The following DNAH2 variants were observed in gnomAD, a reference collection of about 807,000 sequenced individuals.
The protein encoded by DNAH2 is dynein axonemal heavy chain 2, also known as axonemal beta dynein heavy chain 2.
In DNAH2, 323 loss-of-function variants were observed where a neutral mutation model predicts 523.5. The observed-to-expected ratio is 0.62, with a 90% CI of 0.56 to 0.68. The LOEUF is 0.68. Ranked by LOEUF, DNAH2 falls within the 30% of genes least tolerant of loss-of-function variation. The pLI, the probability that DNAH2 is intolerant of heterozygous loss-of-function variation, is 0.00. For synonymous variants in DNAH2, 2,093 were observed against 2,177.4 expected (o/e 0.96, Z 1.08); for missense variants, 4,907 against 5,701.5 (o/e 0.86, Z 4.49).
intron 56 of DNAH2, 40 bp downstream of exon 56, chr17:7,799,282 G>C: frequency 2.5e-6 from 4 of 1,607,962 alleles, no homozygotes; most frequent in Non-Finnish European, 3.4e-6. Flanking sequence ...CCTTCTGTGT[G>C]CTCCCTCACC....
At position 7,798,780 on chromosome 17, in the gene DNAH2, G is replaced by A; in HGVS notation, c.8559+62G>A. On this transcript the variant is annotated intron_variant, in intron 55 of 85. Transcript: ENST00000572933. The surrounding 1 kb of genome is among the most constrained non-coding windows in gnomAD (Gnocchi z 5.5). ...TTGGCCTGCCTAGCTGACCCCAGAA[G>A]GACCACAGCTCCCAGAATGTGCCAC... 2.6e-6 allele frequency: 4 copies of A among 1,561,754 alleles called. No homozygotes were observed. Among genetic ancestry groups the A allele is most frequent in the Non-Finnish European group, 3.5e-6 (4 of 1,153,152 alleles).
At chr17:7,751,246 C>T (rs529786784) in intron 12 of DNAH2, among the ~76,000 whole-genome samples, 47 of 151,840 alleles carry the variant, frequency 3.1e-4, no homozygotes, top group African/African-American at 9.2e-4. Context: ...TGGGTTCAAG[C>T]GATTTCTGGC....
intron 3 of DNAH2, among the ~76,000 whole-genome samples, chr17:7,726,485 T>G (rs34399703): frequency 0.026 from 3,992 of 151,820 alleles, 74 homozygotes; most frequent in Non-Finnish European, 0.042. Context: ...GTATTTTTAG[T>G]AGAGACAAGG....
intron 28 of DNAH2, among the ~76,000 whole-genome samples, chr17:7,773,607 T>C (rs1412015643): frequency 6.6e-6 from 1 of 152,238 alleles, no homozygotes; most frequent in Non-Finnish European, 1.5e-5. Flanking sequence ...TCTTTCCATC[T>C]TAACTAAGCA....
rs2075312609 is a variant in DNAH2 at position 7,741,242 on chromosome 17, CTTTCTTTCTTTCTTTCTTTCTTTCTT to C, written c.1689+252_1689+277del. On this transcript the variant is annotated intron_variant, in intron 11 of 85. Coordinates refer to ENST00000572933, the MANE Select transcript of DNAH2 (RefSeq NM_020877.5). The stretch of plus-strand genomic sequence containing the variant: ...CTTTCTTTTTTTTCTCTCTCTCTTT[CTTTCTTTCTTTCTTTCTTTCTTTCTT>C]TCTTTCTTTCTTTCTTTCTTTCTTT... Among the ~76,000 whole-genome samples, 5 of 28,258 alleles carry C rather than the reference CTTTCTTTCTTTCTTTCTTTCTTTCTT, an allele frequency of 1.8e-4. 1 individual carries two copies. The highest frequency in any genetic ancestry group is 7.3e-4 in the Admixed American group (2 of 2,746). 18.5% of individuals were successfully genotyped at this position (28,258 alleles called of 152,430 possible).
intron 58 of DNAH2, among the ~76,000 whole-genome samples, chr17:7,803,905 G>A (rs2077291010): frequency 6.6e-6 from 1 of 152,244 alleles, no homozygotes; most frequent in Admixed American, 6.5e-5. Flanking sequence ...GGAGCTGAGG[G>A]ACGGCTGCCT....
At chr17:7,762,008 C>T (rs768073464) in intron 18 of DNAH2, among the ~76,000 whole-genome samples, 9 of 151,956 alleles carry the variant, frequency 5.9e-5, no homozygotes, top group African/African-American at 1.9e-4. Context: ...CGTGGTGTCA[C>T]GAGAAGACTT....
Position 7,831,679 on chromosome 17 carries a change from A to G in DNAH2, c.12630A>G (p.Leu4210=), listed in dbSNP as rs1229838569. ...TGCTCAGGTTCTCACTGACAGACCTAGAGAAAGGCATCCAGGGTCTCATCG... is the reference window on the plus strand; with the variant it reads ...TGCTCAGGTTCTCACTGACAGACCTGGAGAAAGGCATCCAGGGTCTCATCG... ...MQTILFSLTD[L]EKGIQGLIVM... is the part of the protein sequence containing the mutation. Residue 4210 remains leucine (L), a synonymous_variant, in exon 82 of 86, where the codon CTA becomes CTG. Transcript: ENST00000572933. The surrounding 1 kb of genome is among the most constrained non-coding windows in gnomAD (Gnocchi z 4.2). 15 of 1,614,054 alleles carry G rather than the reference A, an allele frequency of 9.3e-6. No individual in the cohort carries two copies. The highest frequency in any genetic ancestry group is 1.2e-5 in the Non-Finnish European group (14 of 1,180,014).
intron 7 of DNAH2, among the ~76,000 whole-genome samples, chr17:7,736,243 G>T (rs1264277087): frequency 6.6e-6 from 1 of 152,130 alleles, no homozygotes; most frequent in Non-Finnish European, 1.5e-5. Context: ...TCACACAGGA[G>T]GTAAGAGTGG....
In DNAH2 at chr17:7,780,981, T is replaced by C. The variant is rs185260690; in HGVS notation, c.6004-61T>C. On this transcript the variant is annotated intron_variant, in intron 38 of 85. Coordinates refer to ENST00000572933, the MANE Select transcript of DNAH2 (RefSeq NM_020877.5). This position sits in a 1 kb window ranked among gnomAD's most constrained non-coding sequence, Gnocchi z 4.4. ...TCTTGGCACGTGCCCCGAAGCCCTT[T>C]GGAGGTGAAAGGCCTAGGCCCTGCC... 2.5e-6 allele frequency: 4 copies of C among 1,611,628 alleles called. No homozygotes were observed. The highest frequency in any genetic ancestry group is 1.7e-5 in the Admixed American group (1 of 60,006).
rs1431837067 is a variant in DNAH2, at chr17:7,760,851, G to C, written c.2897G>C (p.Trp966Ser). The C allele has an allele frequency of 1.9e-6, 3 of 1,614,178 alleles. No individual in the cohort carries two copies. Among genetic ancestry groups the C allele is most frequent in the Non-Finnish European group, 2.5e-6 (3 of 1,180,046 alleles). The change falls in exon 18 of 86, where the codon TGG becomes TCG. Residue 966 changes from tryptophan to serine, a missense_variant. By Grantham distance (177) the Trp-to-Ser change is radical. Transcript: ENST00000572933. The surrounding 1 kb of genome is among the most constrained non-coding windows in gnomAD (Gnocchi z 4.0). Reference sequence around the variant, plus strand: ...ACCTGGGACATGTACCGGGAGATCTGGGAGATCAACAAGGACTCCTTCATT... The same window carrying C: ...ACCTGGGACATGTACCGGGAGATCTCGGAGATCAACAAGGACTCCTTCATT... ...LKTWDMYREI[W>S]EINKDSFIHR... is the part of the protein sequence containing the mutation.
Position 7,824,147 on chromosome 17 carries a change from C to T in DNAH2, c.11505C>T (p.Ser3835=), listed in dbSNP as rs564037800. The change falls in exon 76 of 86, where the codon TCC becomes TCT. Residue 3835 remains serine, a synonymous_variant. Coordinates refer to ENST00000572933, the MANE Select transcript of DNAH2 (RefSeq NM_020877.5). ...TGCTGGAGGATTCAACCCCACGATC[C>T]CCACTCGTGTTCATCCTGTCCCCTG... ...KSVLEDSTPR[S]PLVFILSPGV... 7.6e-6 allele frequency: 12 copies of T among 1,570,140 alleles called. No individual in the cohort carries two copies. In the African/African-American group the frequency reaches 1.6e-4, roughly 21 times the overall value.
chr17:7,820,359 T>A (rs1347528877), intron 72 of DNAH2, among the ~76,000 whole-genome samples: 1 of 152,238 alleles, frequency 6.6e-6, no homozygotes, highest in East Asian at 1.9e-4. Flanking sequence ...TTCCCGGGTC[T>A]GACTGCCAGT....
In DNAH2 at chr17:7,754,763, G is replaced by C. The variant is rs1206386845; in HGVS notation, c.1905-2328G>C. ...TGTGCCGGCCCAAGGCCAAGGCCAA[G>C]GATCAAACCAAGGCCCAGGCTGCAG... On this transcript the variant is annotated intron_variant, in intron 12 of 85. Coordinates refer to ENST00000572933, the MANE Select transcript of DNAH2 (RefSeq NM_020877.5). The surrounding 1 kb of genome is among the most constrained non-coding windows in gnomAD (Gnocchi z 4.6). 5.2e-6 allele frequency: 5 copies of C among 954,010 alleles called. No homozygotes were observed. In the Admixed American group the frequency reaches 6.9e-5, roughly 13 times the overall value. The allele number at this position is 954,010 out of a possible 1,614,324, so 59.1% of individuals were successfully genotyped here. A position where few individuals can be genotyped will look rare whatever the true frequency, so the allele number is the denominator to read the frequency against.
chr17:7,768,809 T>C (rs1460817481), intron 24 of DNAH2, among the ~76,000 whole-genome samples: 1 of 152,238 alleles, frequency 6.6e-6, no homozygotes, highest in Non-Finnish European at 1.5e-5. Context: ...TTTGTCTTTC[T>C]TCGCCTGGCT....
chr17:7,814,564 GA>G (rs1460502087), intron 63 of DNAH2, among the ~76,000 whole-genome samples: 1 of 152,188 alleles, frequency 6.6e-6, no homozygotes, highest in Non-Finnish European at 1.5e-5. Flanking sequence ...TAAATAAAAA[GA>G]AAAGTGGTTA....
At position 7,737,075 on chromosome 17, in the gene DNAH2, T is replaced by C; in HGVS notation, c.987T>C (p.Ser329=). ...TCTCTCTTTACTGCCAGGATGGCTC[T>C]CGTCAAGCACAGTCAAACCTGACCT... ...MKLAQQIQDG[S]RQAQSNLTFL... The change falls in exon 8 of 86, where the codon TCT becomes TCC. Residue 329 remains serine, a synonymous_variant. Transcript: ENST00000572933. 6.2e-7 allele frequency: 1 copy of C among 1,613,302 alleles called. No homozygotes were observed. Among genetic ancestry groups the C allele is most frequent in the South Asian group, 1.1e-5 (1 of 91,060 alleles).
chr17:7,787,096 G>T lies in DNAH2; in HGVS notation c.6603+63G>T, dbSNP rs574385615. The T allele has an allele frequency of 1.0e-4, 161 of 1,584,678 alleles. 2 individuals are homozygous for T. The South Asian group carries it at 1.3e-3, about 13-fold the overall frequency. On this transcript the variant is annotated intron_variant, in intron 42 of 85. Coordinates refer to ENST00000572933, the MANE Select transcript of DNAH2 (RefSeq NM_020877.5). ...CAGGCACCGGAGGGCGTGGGCCGGGGCTGGGGAGGAGAGCCAGAAATCTCA... is the reference window on the plus strand; with the variant it reads ...CAGGCACCGGAGGGCGTGGGCCGGGTCTGGGGAGGAGAGCCAGAAATCTCA...
intron 71 of DNAH2, 33 bp from the exon 72 acceptor site, chr17:7,819,176 A>C: frequency 6.2e-7 from 1 of 1,610,816 alleles, no homozygotes; most frequent in Non-Finnish European, 8.5e-7. Context: ...CACGTCCCTC[A>C]GTGGCCCTGA....
Sources: allele counts gnomAD v4.1 joint callset (sites outside exome capture counted in the v4.1 genomes callset), GRCh38; gene constraint gnomAD v4.1.1; non-coding constraint Gnocchi (gnomAD v3.1); transcripts MANE v1.5; gene names NCBI Gene and HGNC (gene_info 2026-07-23, HGNC 2026-07-21).